SLC22A25: variants seen among roughly 807,000 people sequenced by gnomAD.
SLC22A25 encodes the protein MGI:2442751, MGI:2385316, MGI:3042283, MGI:3645714, MGI:3605624, MGI:2442750.
In SLC22A25, 44 loss-of-function variants were observed where a neutral mutation model predicts 45.9. The ratio of observed to expected loss-of-function variants is 0.96; its 90% CI spans 0.75 to 1.23. The LOEUF (loss-of-function observed/expected upper bound fraction) is 1.23, where lower values mean the gene tolerates loss of function less well. Ranked by LOEUF, SLC22A25 falls within the 50% of genes most tolerant of loss-of-function variation. SLC22A25 has a pLI of 0.00. For missense variants in SLC22A25, 800 were observed against 666.4 expected, an observed-to-expected ratio of 1.20 and a Z score of -2.21; for synonymous variants, 283 against 238.6, an observed-to-expected ratio of 1.19 and a Z score of -1.72.
At chr11:63,200,876 G>A (rs565507187) in intron 7 of SLC22A25, among the ~76,000 whole-genome samples, 1 of 152,190 alleles carries the variant, frequency 6.6e-6, no homozygotes, top group South Asian at 2.1e-4. Context: ...GCCAAGCCAA[G>A]AGCCAAATAA....
rs111452947 is a variant in SLC22A25, at chr11:63,215,230, C to T, written c.830+2084G>A. ...GGATAAAGAAAATGTGGCACATATA[C>T]ACCATAGAATATTATGCAGCCATAA... On this transcript the variant is annotated intron_variant, in intron 7 of 11. Coordinates refer to ENST00000306494, the MANE Select transcript of SLC22A25 (RefSeq NM_199352.6). 5.4e-3 allele frequency among the ~76,000 whole-genome samples: 815 copies of T among 152,274 alleles called. 3 individuals are homozygous for T. Among genetic ancestry groups the T allele is most frequent in the Middle Eastern group, 0.017 (5 of 294 alleles).
In SLC22A25 at chr11:63,161,410, G is replaced by A. The variant is rs1213527291; in HGVS notation, c.*2414C>T. 1.3e-5 allele frequency among the ~76,000 whole-genome samples: 2 copies of A among 152,076 alleles called. No individual in the cohort carries two copies. Among genetic ancestry groups the A allele is most frequent in the Non-Finnish European group, 2.9e-5 (2 of 68,000 alleles). On this transcript the variant is annotated 3_prime_UTR_variant, in exon 12 of 12. Transcript: ENST00000306494. Reference sequence around the variant, plus strand: ...TGTGAGGACATGAGATTTGGGAGGGGCCAGGGGCAGAATGATATGGTTTGA... The same window carrying A: ...TGTGAGGACATGAGATTTGGGAGGGACCAGGGGCAGAATGATATGGTTTGA...
chr11:63,227,694 C>G (rs866448173), intron 5 of SLC22A25, among the ~76,000 whole-genome samples: 4 of 152,226 alleles, frequency 2.6e-5, no homozygotes, highest in Non-Finnish European at 5.9e-5. Context: ...TCCACTGGCT[C>G]TTAGCCCAGC....
At chr11:63,201,742 T>A (rs543279049) in intron 7 of SLC22A25, among the ~76,000 whole-genome samples, 1 of 152,038 alleles carries the variant, frequency 6.6e-6, no homozygotes, top group Admixed American at 6.5e-5. Context: ...TGGGAGAAAA[T>A]TTTTGCAAAC....
intron 7 of SLC22A25, 45 bp from the exon 8 acceptor site, chr11:63,183,862 C>T (rs769348071): frequency 1.9e-6 from 3 of 1,609,588 alleles, no homozygotes; most frequent in African/African-American, 1.3e-5. Context: ...ACTACTTACT[C>T]ATTTTTTCAC....
At chr11:63,197,019 A>T (rs147922816) in intron 7 of SLC22A25, among the ~76,000 whole-genome samples, 5,474 of 152,214 alleles carry the variant, frequency 0.036, 328 homozygotes, top group African/African-American at 0.12. Context: ...CTTCAAAGAG[A>T]ATAAAATACC....
intron 7 of SLC22A25, among the ~76,000 whole-genome samples, chr11:63,213,812 G>A (rs1354719480): frequency 6.6e-6 from 1 of 152,152 alleles, no homozygotes; most frequent in Admixed American, 6.5e-5. Context: ...CCCCCTTGGA[G>A]AGGCCAGATG....
At chr11:63,232,354 T>A (rs1186628934) in intron 3 of SLC22A25, among the ~76,000 whole-genome samples, 1 of 152,174 alleles carries the variant, frequency 6.6e-6, no homozygotes, top group Non-Finnish European at 1.5e-5. Context: ...TTCACATCCC[T>A]TTTAAGTTGG....
rs557275449 is a variant in SLC22A25 at position 63,238,974 on chromosome 11, G to A, written c.-834C>T. 7.9e-4 allele frequency: 138 copies of A among 174,646 alleles called. No individual in the cohort carries two copies. The highest frequency in any genetic ancestry group is 3.2e-3 in the African/African-American group (134 of 42,308). 10.8% of individuals were successfully genotyped at this position (174,646 alleles called of 1,614,324 possible). The stretch of plus-strand genomic sequence containing the variant: ...CATTGTCTATGATGTGCACCTAGCA[G>A]TGGTGACCAGGATGAATGCAGTGAA... On this transcript the variant is annotated 5_prime_UTR_variant, in exon 2 of 12. Transcript: ENST00000306494.
At chr11:63,190,283 A>T (rs1251595461) in intron 7 of SLC22A25, among the ~76,000 whole-genome samples, 1 of 151,494 alleles carries the variant, frequency 6.6e-6, no homozygotes, top group East Asian at 1.9e-4. Flanking sequence ...TTCTGATTTC[A>T]TTTCATTCAT....
In SLC22A25 at chr11:63,163,947, G is replaced by A. The variant is rs137959919; in HGVS notation, c.1521C>T (p.Leu507=). Residue 507 remains leucine (L), a synonymous_variant, in exon 12 of 12, where the codon CTC becomes CTT. Coordinates refer to ENST00000306494, the MANE Select transcript of SLC22A25 (RefSeq NM_199352.6). The part of the protein sequence containing the change: ...PWIIYGVFAI[L]SGLVVLLLPE... ...GAAGGAGGAGGACAACAAGGCCAGA[G>A]AGGATGGCAAAGACTCCATAGATGA... is the stretch of plus-strand genomic sequence containing the variant. 61 of 1,614,006 alleles carry A rather than the reference G, an allele frequency of 3.8e-5. No homozygotes were observed. The African/African-American group carries it at 6.3e-4, about 17-fold the overall frequency.
rs1340120727 is a variant in SLC22A25, at chr11:63,159,614, G to A, written c.*4210C>T. ...TCAGGTATGTCTTTATCAGCAGCAT[G>A]AGAAATGGACTAATATAGTAAATTG... On this transcript the variant is annotated 3_prime_UTR_variant, in exon 12 of 12. Transcript: ENST00000306494. Among the ~76,000 whole-genome samples the A allele has an allele frequency of 6.6e-6, 1 of 152,146 alleles. No homozygotes were observed. Among genetic ancestry groups the A allele is most frequent in the Non-Finnish European group, 1.5e-5 (1 of 68,022 alleles).
At chr11:63,224,463 A>G (rs1723219) in intron 5 of SLC22A25, among the ~76,000 whole-genome samples, 70,468 of 151,906 alleles carry the variant, frequency 0.46, 17,923 homozygotes, top group Non-Finnish European at 0.57. Flanking sequence ...TACTCCTGCC[A>G]TTGTGTTATT....
chr11:63,216,151 T>C (rs2089704819), intron 7 of SLC22A25, among the ~76,000 whole-genome samples: 2 of 152,126 alleles, frequency 1.3e-5, no homozygotes, highest in Non-Finnish European at 2.9e-5. Context: ...ATTAGAGAAA[T>C]GCAAATCAAA....
chr11:63,180,607 T>C (rs2088281940), intron 9 of SLC22A25, 53 bp downstream of exon 9: 13 of 1,248,892 alleles, frequency 1.0e-5, no homozygotes, highest in East Asian at 2.4e-5. Context: ...AAATAAGAAA[T>C]GGATTTATGT....
chr11:63,242,875 G>A (rs1023837594), intron 1 of SLC22A25, among the ~76,000 whole-genome samples: 8 of 152,076 alleles, frequency 5.3e-5, no homozygotes, highest in African/African-American at 1.9e-4. Flanking sequence ...AGGCAGGCAG[G>A]GAAGCTCTGC....
chr11:63,166,716 C>T lies in SLC22A25; in HGVS notation c.1071-458G>A, dbSNP rs914997257. 3 of 995,858 alleles carry T rather than the reference C, an allele frequency of 3.0e-6. No homozygotes were observed. In the African/African-American group the frequency reaches 5.2e-5, roughly 17 times the overall value. 61.7% of individuals were successfully genotyped at this position (995,858 alleles called of 1,614,324 possible). ...CAGGAATGTTTACTAAAATGTACAA[C>T]TTATTGGGTACAGATTGTATATTCA... On this transcript the variant is annotated intron_variant, in intron 9 of 11. Coordinates refer to ENST00000306494, the MANE Select transcript of SLC22A25 (RefSeq NM_199352.6).
chr11:63,222,287 C>A (rs926891238), intron 5 of SLC22A25, among the ~76,000 whole-genome samples: 1 of 152,028 alleles, frequency 6.6e-6, no homozygotes, highest in Admixed American at 6.5e-5. Flanking sequence ...TTTTTGGTGT[C>A]CCATTCAATT....
chr11:63,191,640 C>A (rs374045286), intron 7 of SLC22A25, among the ~76,000 whole-genome samples: 1 of 152,164 alleles, frequency 6.6e-6, no homozygotes, highest in Non-Finnish European at 1.5e-5. Flanking sequence ...GTGTTGCTCA[C>A]ACTGGGAACT....
Sources: allele counts gnomAD v4.1 joint callset (sites outside exome capture counted in the v4.1 genomes callset), GRCh38; gene constraint gnomAD v4.1.1; transcripts MANE v1.5; gene names NCBI Gene and HGNC (gene_info 2026-07-23, HGNC 2026-07-21).